NUMA1: variants seen among roughly 807,000 people sequenced by gnomAD.
NUMA1 encodes the protein SP-H antigen.
A neutral mutation model predicts 237.1 loss-of-function variants in NUMA1; 62 were observed. The ratio of observed to expected loss-of-function variants is 0.26; its 90% CI spans 0.21 to 0.32. NUMA1 has a LOEUF of 0.32. Among genes scored for constraint, NUMA1 ranks in the 10% least tolerant of loss-of-function variants. The pLI is 1.00. For synonymous variants in NUMA1, 1,028 were observed against 1,066.1 expected, an observed-to-expected ratio of 0.96 and a Z score of 0.70; for missense variants, 2,533 against 2,666.5, an observed-to-expected ratio of 0.95 and a Z score of 1.10.
At position 72,072,905 on chromosome 11, in the gene NUMA1, G is replaced by A. The variant is rs190780964; in HGVS notation, c.-102-2994C>T. On this transcript the variant is annotated intron_variant, in intron 1 of 26. Coordinates refer to ENST00000393695, the MANE Select transcript of NUMA1 (RefSeq NM_006185.4). ...AAGATACAAAAAATTAGCTGGGCGCGGTGGCGGGTGCCTGTAGTCCCAGCT... is the reference window on the plus strand; with the variant it reads ...AAGATACAAAAAATTAGCTGGGCGCAGTGGCGGGTGCCTGTAGTCCCAGCT... Among the ~76,000 whole-genome samples the A allele has an allele frequency of 1.3e-3, 204 of 152,082 alleles. 4 individuals are homozygous for A. Among genetic ancestry groups the A allele is most frequent in the Non-Finnish European group, 2.4e-4 (16 of 67,964 alleles).
chr11:72,063,842 G>C (rs921452165), intron 2 of NUMA1, among the ~76,000 whole-genome samples: 1 of 149,614 alleles, frequency 6.7e-6, no homozygotes, highest in African/African-American at 2.5e-5. Flanking sequence ...ACTTGAGTCT[G>C]AGCCTGGGAG....
intron 2 of NUMA1, among the ~76,000 whole-genome samples, chr11:72,048,615 C>T (rs1485269301): frequency 5.9e-5 from 9 of 152,132 alleles, no homozygotes; most frequent in African/African-American, 1.9e-4. Context: ...TCAGGTGATC[C>T]ACCTGCCTGG....
chr11:72,035,397 C>T (rs1016664887), intron 3 of NUMA1, among the ~76,000 whole-genome samples: 1 of 151,256 alleles, frequency 6.6e-6, no homozygotes, highest in African/African-American at 2.4e-5. Flanking sequence ...TCAGCATTTA[C>T]CACCCCCCCT....
chr11:72,054,964 C>T (rs1220483840), intron 2 of NUMA1, among the ~76,000 whole-genome samples: 2 of 152,018 alleles, frequency 1.3e-5, no homozygotes, highest in East Asian at 3.8e-4. Context: ...ATCTAGTGGG[C>T]ATCAGCATTA....
chr11:72,010,568 G>C (rs546149356), intron 17 of NUMA1, among the ~76,000 whole-genome samples: 4 of 152,350 alleles, frequency 2.6e-5, no homozygotes, highest in Non-Finnish European at 5.9e-5. Flanking sequence ...AGCTGCTGAA[G>C]TGGACAGTGA....
intron 19 of NUMA1, 41 bp from the exon 20 acceptor site, chr11:72,008,886 A>AAGGCAGCAGTGGCCT (rs1334342099): frequency 1.2e-6 from 2 of 1,613,442 alleles, no homozygotes; most frequent in Admixed American, 3.3e-5. Flanking sequence ...AGAAAAGCCT[A>AAGGCAGCAGTGGCCT]AGGCAGCAGT....
In NUMA1 at chr11:72,005,608, C is replaced by T; in HGVS notation, c.5693-239G>A. ...AGGTCACACGCAGAGACTGCTACTA[C>T]ATCTTACTCACCTGCCAAGGCTTGG... On this transcript the variant is annotated intron_variant, in intron 22 of 26. Coordinates refer to ENST00000393695, the MANE Select transcript of NUMA1 (RefSeq NM_006185.4). 7.4e-6 allele frequency: 4 copies of T among 541,400 alleles called. No individual in the cohort carries two copies. The South Asian group carries it at 7.7e-5, about 10-fold the overall frequency. 33.5% of individuals were successfully genotyped at this position (541,400 alleles called of 1,614,324 possible).
chr11:72,058,278 C>T (rs1488727874), intron 2 of NUMA1, among the ~76,000 whole-genome samples: 2 of 152,066 alleles, frequency 1.3e-5, no homozygotes, highest in African/African-American at 4.8e-5. Flanking sequence ...ATTTTTGTGT[C>T]CCCCAAAAAC....
chr11:72,063,384 A>C (rs1565289209), intron 2 of NUMA1, among the ~76,000 whole-genome samples: 1 of 151,910 alleles, frequency 6.6e-6, no homozygotes. Context: ...ACCCTGTCTC[A>C]AAACAAAGAA....
intron 2 of NUMA1, chr11:72,068,740 T>C (rs772176295): frequency 1.3e-5 from 2 of 152,212 alleles, no homozygotes; most frequent in Admixed American, 6.5e-5. Context: ...ACATTTCTAA[T>C]CTTATTAAAT....
rs140776080 is a variant in NUMA1 at position 72,010,341 on chromosome 11, T to A, written c.4719+445A>T. Among the ~76,000 whole-genome samples the A allele has an allele frequency of 5.1e-4, 77 of 152,326 alleles. 2 individuals carry two copies. The East Asian group carries it at 0.013, about 26-fold the overall frequency. On this transcript the variant is annotated intron_variant, in intron 17 of 26. Coordinates refer to ENST00000393695, the MANE Select transcript of NUMA1 (RefSeq NM_006185.4). ...AATGTTATTAAACTGCACTGTAATA[T>A]TCAACACTGGTGACACTCTCGTTCT...
chr11:72,008,783 T>G lies in NUMA1; in HGVS notation c.5121A>C (p.Leu1707Phe). The change falls in exon 20 of 27, where the codon TTA becomes TTC. Residue 1707 changes from leucine to phenylalanine, a missense_variant. Physicochemically the swap from Leu to Phe is conservative, Grantham distance 22. Coordinates refer to ENST00000393695, the MANE Select transcript of NUMA1 (RefSeq NM_006185.4). The stretch of plus-strand genomic sequence containing the variant: ...GCTTAGCCTGGGGCTCACGGCTCTT[T>G]AAAGCATCAGTTGCCACCTGGAATT... Reference protein sequence around the residue: ...LGKFQVATDALKSREPQAKPQ... With the variant: ...LGKFQVATDAFKSREPQAKPQ... 2 of 1,614,088 alleles carry G rather than the reference T, an allele frequency of 1.2e-6. No homozygotes were observed. Among genetic ancestry groups the G allele is most frequent in the Non-Finnish European group, 1.7e-6 (2 of 1,180,010 alleles).
chr11:72,052,788 T>A (rs1279167944), intron 2 of NUMA1, among the ~76,000 whole-genome samples: 16 of 148,068 alleles, frequency 1.1e-4, no homozygotes, highest in South Asian at 2.1e-4. Context: ...AAAACAAGGG[T>A]AAGTAATATT....
In NUMA1 at chr11:72,023,153, A is replaced by G. The variant is rs1199265367; in HGVS notation, c.209-6T>C. ...AGAGGGATGTTTTCGATTTTCTGCA[A>G]TGACAACAACGTAGAAAACAGGGTG... On this transcript the variant is annotated splice_polypyrimidine_tract_variant and splice_region_variant and intron_variant, in intron 5 of 26. Transcript: ENST00000393695. The G allele has an allele frequency of 5.6e-6, 9 of 1,607,224 alleles. No homozygotes were observed. Among genetic ancestry groups the G allele is most frequent in the African/African-American group, 2.7e-5 (2 of 74,760 alleles).
chr11:72,017,307 CTA>C, intron 13 of NUMA1: 1 of 302,776 alleles, frequency 3.3e-6, no homozygotes, highest in Non-Finnish European at 6.6e-6. Flanking sequence ...TTACTTTACA[CTA>C]CACGATGTGT....
At position 72,013,727 on chromosome 11, in the gene NUMA1, G is replaced by A. The variant is rs1305069217; in HGVS notation, c.3776C>T (p.Ser1259Leu). The A allele has an allele frequency of 6.2e-7, 1 of 1,609,600 alleles. No individual in the cohort carries two copies. The highest frequency in any genetic ancestry group is 1.3e-5 in the African/African-American group (1 of 74,892). Residue 1259 changes from serine (S) to leucine (L), a missense_variant, in exon 15 of 27, where the codon TCA (serine) becomes TTA (leucine). By Grantham distance (145) the Ser-to-Leu change is moderately radical. This residue lies in a region of NUMA1 where 324 missense variants were observed against 407.6 expected (regional missense o/e 0.79). Transcript: ENST00000393695. The surrounding 1 kb of genome is among the most constrained non-coding windows in gnomAD (Gnocchi z 6.8). Reference sequence around the variant, plus strand: ...CTCCTCCAGCTTCTGGCTCTTCTCTGACTCGGCCATCACCAGCCGCTTCAA... The same window carrying A: ...CTCCTCCAGCTTCTGGCTCTTCTCTAACTCGGCCATCACCAGCCGCTTCAA... ...KELKRLVMAE[S>L]EKSQKLEERL...
chr11:72,004,909 C>G, intron 23 of NUMA1, 93 bp from the exon 24 acceptor site: 1 of 1,255,944 alleles, frequency 8.0e-7, no homozygotes, highest in Non-Finnish European at 1.1e-6. Flanking sequence ...TCGCCCGACA[C>G]TTATGGTCGG....
At chr11:72,023,769 T>G (rs1368228340) in intron 5 of NUMA1, among the ~76,000 whole-genome samples, 1 of 152,100 alleles carries the variant, frequency 6.6e-6, no homozygotes, top group Non-Finnish European at 1.5e-5. Flanking sequence ...CCCATCCACT[T>G]GAAGAGCAGT....
In NUMA1 at chr11:72,019,597, A is replaced by C; in HGVS notation, c.481T>G (p.Ser161Ala). The change falls in exon 9 of 27, where the codon TCT (serine) becomes GCT (alanine). Residue 161 changes from serine to alanine, a missense_variant. Transcript: ENST00000393695. ...GAGAGCTCTTCAGGGAATGTGCTAG[A>C]ACAGGTAGAAGGCACAGGAGCTGGG... ...LQKAPVPSTC[S>A]STFPEELSPP... 6.2e-7 allele frequency: 1 copy of C among 1,613,858 alleles called. No individual in the cohort carries two copies. Among genetic ancestry groups the C allele is most frequent in the Non-Finnish European group, 8.5e-7 (1 of 1,179,818 alleles).
Sources: allele counts gnomAD v4.1 joint callset (sites outside exome capture counted in the v4.1 genomes callset), GRCh38; gene constraint gnomAD v4.1.1; regional missense constraint gnomAD v4.1.1; non-coding constraint Gnocchi (gnomAD v3.1); transcripts MANE v1.5; gene names NCBI Gene and HGNC (gene_info 2026-07-23, HGNC 2026-07-21).